GALNT17: variants seen among roughly 807,000 people sequenced by gnomAD.
GALNT17 encodes the protein polypeptide N-acetylgalactosaminyltransferase 17, also known as UDP-GalNAc:polypeptide N-acetylgalactosaminyltransferase-like 3.
Under a neutral mutation model 63.7 loss-of-function variants are expected in GALNT17, and 29 were observed. The observed-to-expected ratio is 0.46, with a 90% CI of 0.34 to 0.62. The LOEUF (loss-of-function observed/expected upper bound fraction) is 0.62, where lower values mean the gene tolerates loss of function less well. Ranked by LOEUF, GALNT17 falls within the 20% of genes least tolerant of loss-of-function variation. The pLI, the probability that GALNT17 is intolerant of heterozygous loss-of-function variation, is 0.01. For missense variants in GALNT17, 603 were observed against 799.6 expected (o/e 0.75, Z 2.97); for synonymous variants, 305 against 318.3 (o/e 0.96, Z 0.45).
At chr7:71,544,486 A>G (rs1788949319) in intron 5 of GALNT17, among the ~76,000 whole-genome samples, 1 of 152,054 alleles carries the variant, frequency 6.6e-6, no homozygotes, top group South Asian at 2.1e-4. Flanking sequence ...GTCTGCAATA[A>G]TAGGGGTTAG....
At chr7:71,233,374 T>C (rs1349094351) in intron 1 of GALNT17, among the ~76,000 whole-genome samples, 1 of 152,200 alleles carries the variant, frequency 6.6e-6, no homozygotes, top group Non-Finnish European at 1.5e-5. Flanking sequence ...ATCAGCATCG[T>C]GTCTTCTGTT....
chr7:71,161,091 T>C (rs939121462), intron 1 of GALNT17, among the ~76,000 whole-genome samples: 1 of 152,114 alleles, frequency 6.6e-6, no homozygotes, highest in African/African-American at 2.4e-5. Context: ...TCCCCAAGCA[T>C]TGGGATTACA....
In GALNT17 at chr7:71,567,716, G is replaced by A. The variant is rs564116449; in HGVS notation, c.963-3569G>A. 4.6e-5 allele frequency among the ~76,000 whole-genome samples: 7 copies of A among 152,310 alleles called. No homozygotes were observed. The East Asian group carries it at 1.2e-3, about 25-fold the overall frequency. ...CTGACCTTGTGATCCGCCCACTTCA[G>A]CCTCCCAAAGTGCTGGGGTTACAGG... is the stretch of plus-strand genomic sequence containing the variant. On this transcript the variant is annotated intron_variant, in intron 5 of 10. Transcript: ENST00000333538.
chr7:71,166,872 TC>T (rs977013376), intron 1 of GALNT17, among the ~76,000 whole-genome samples: 2 of 152,010 alleles, frequency 1.3e-5, no homozygotes, highest in African/African-American at 4.8e-5. Context: ...AATGGCTAGA[TC>T]TTTTAGTAAG....
intron 5 of GALNT17, among the ~76,000 whole-genome samples, chr7:71,451,590 C>G (rs1003565485): frequency 6.6e-6 from 1 of 152,020 alleles, no homozygotes; most frequent in Admixed American, 6.6e-5. Context: ...CCTCTTTTCT[C>G]CTTGGTCTGC....
At chr7:71,461,973 G>A (rs1243742569) in intron 5 of GALNT17, among the ~76,000 whole-genome samples, 1 of 152,214 alleles carries the variant, frequency 6.6e-6, no homozygotes, top group East Asian at 1.9e-4. Context: ...TCAGTGTCCA[G>A]CAGTGCCATT....
At chr7:71,366,041 A>G (rs1452030560) in intron 2 of GALNT17, among the ~76,000 whole-genome samples, 1 of 152,086 alleles carries the variant, frequency 6.6e-6, no homozygotes, top group South Asian at 2.1e-4. Flanking sequence ...CGCAACCTAG[A>G]TCCCTCGTAT....
At chr7:71,710,958 C>A in intron 10 of GALNT17, 30 bp downstream of exon 10, 1 of 1,607,936 alleles carries the variant, frequency 6.2e-7, no homozygotes, top group Non-Finnish European at 8.5e-7. Flanking sequence ...AGCCAGCACC[C>A]AGAGTAGCTG....
At chr7:71,408,435 G>A (rs2116410235) in intron 3 of GALNT17, among the ~76,000 whole-genome samples, 1 of 152,304 alleles carries the variant, frequency 6.6e-6, no homozygotes, top group South Asian at 2.1e-4. Context: ...AAGGAGTGTT[G>A]ATAGAATTGT....
At chr7:71,196,932 G>C (rs1406848233) in intron 1 of GALNT17, among the ~76,000 whole-genome samples, 1 of 151,934 alleles carries the variant, frequency 6.6e-6, no homozygotes. Context: ...GGGATTACAG[G>C]TGTGAGCCAC....
Position 71,467,141 on chromosome 7 carries a change from C to G in GALNT17, c.962+46036C>G, listed in dbSNP as rs184276005. Among the ~76,000 whole-genome samples the G allele has an allele frequency of 2.8e-4, 43 of 152,328 alleles. 5 individuals are homozygous for G. The East Asian group carries it at 2.9e-3, about 10-fold the overall frequency. The stretch of plus-strand genomic sequence containing the variant: ...ATCTCAAGGTTGCTTAGTAGAAGCA[C>G]TGACCCCTGCTTTGTCTTTTCCCTA... On this transcript the variant is annotated intron_variant, in intron 5 of 10. Coordinates refer to ENST00000333538, the MANE Select transcript of GALNT17 (RefSeq NM_022479.3).
At chr7:71,398,171 T>C (rs1373371464) in intron 3 of GALNT17, among the ~76,000 whole-genome samples, 1 of 152,184 alleles carries the variant, frequency 6.6e-6, no homozygotes, top group Non-Finnish European at 1.5e-5. Context: ...TCTATCCATT[T>C]TTGGAAATTT....
At chr7:71,458,870 G>A (rs1198929696) in intron 5 of GALNT17, among the ~76,000 whole-genome samples, 3 of 152,054 alleles carry the variant, frequency 2.0e-5, no homozygotes, top group East Asian at 1.9e-4. Flanking sequence ...TGGGGGTTCG[G>A]GGTTTATATG....
chr7:71,521,031 T>C (rs1028033879), intron 5 of GALNT17, among the ~76,000 whole-genome samples: 7 of 152,096 alleles, frequency 4.6e-5, no homozygotes, highest in Non-Finnish European at 1.0e-4. Flanking sequence ...GGGAGGAGAA[T>C]GAAAGCTGCC....
In GALNT17 at chr7:71,259,637, TG is replaced by T. The variant is rs1562953617; in HGVS notation, c.239-75912del. Among the ~76,000 whole-genome samples the T allele has an allele frequency of 6.0e-3, 835 of 139,412 alleles. 11 individuals are homozygous for T. Among genetic ancestry groups the T allele is most frequent in the African/African-American group, 0.022 (797 of 36,362 alleles). 91.5% of individuals were successfully genotyped at this position (139,412 alleles called of 152,430 possible). A position where few individuals can be genotyped will look rare whatever the true frequency, so the allele number is the denominator to read the frequency against. Reference sequence around the variant, plus strand: ...CAGATCTTGGTCCTGTTTTGTTTTTTGTTTTTTTGTTTTTTTTTTTTTGAGA... The same window carrying T: ...CAGATCTTGGTCCTGTTTTGTTTTTTTTTTTTTGTTTTTTTTTTTTTGAGA... On this transcript the variant is annotated intron_variant, in intron 1 of 10. Transcript: ENST00000333538.
chr7:71,297,617 A>G (rs1190717693), intron 1 of GALNT17, among the ~76,000 whole-genome samples: 2 of 151,780 alleles, frequency 1.3e-5, no homozygotes, highest in Non-Finnish European at 2.9e-5. Context: ...TCTCAAAAAA[A>G]TAGGACACTT....
intron 9 of GALNT17, among the ~76,000 whole-genome samples, chr7:71,692,667 C>T (rs976006896): frequency 6.6e-6 from 1 of 151,958 alleles, no homozygotes; most frequent in African/African-American, 2.4e-5. Context: ...AAACAAGCTA[C>T]ATAAACAATT....
intron 1 of GALNT17, among the ~76,000 whole-genome samples, chr7:71,222,311 C>T (rs1789601267): frequency 6.6e-6 from 1 of 152,082 alleles, no homozygotes; most frequent in South Asian, 2.1e-4. Context: ...TCCTTAGTCA[C>T]TTCTAATCTG....
At chr7:71,323,718 T>G (rs572453222) in intron 1 of GALNT17, among the ~76,000 whole-genome samples, 1 of 152,354 alleles carries the variant, frequency 6.6e-6, no homozygotes, top group East Asian at 1.9e-4. Flanking sequence ...GTATGCACAG[T>G]AGAATATGAT....
Sources: gnomAD v4.1 joint callset for allele counts (sites outside exome capture counted in the v4.1 genomes callset) on GRCh38, gnomAD v4.1.1 for gene constraint, MANE v1.5 for transcripts, NCBI Gene and HGNC (gene_info 2026-07-23, HGNC 2026-07-21) for gene names.